DCLK3: variants seen among roughly 807,000 people sequenced by gnomAD.
DCLK3 encodes the protein serine/threonine-protein kinase DCLK3.
In DCLK3, 30 loss-of-function variants were observed where a neutral mutation model predicts 46.4. The observed-to-expected ratio is 0.65, with a 90% CI of 0.48 to 0.88. The LOEUF is 0.88. DCLK3 is among the 40% of genes least tolerant of loss of function. DCLK3 has a pLI of 0.00. For synonymous variants in DCLK3, 401 were observed against 339.2 expected (o/e 1.18, Z -2.00); for missense variants, 846 against 907.1 (o/e 0.93, Z 0.87).
intron 1 of DCLK3, among the ~76,000 whole-genome samples, chr3:36,763,133 C>T (rs1701553416): frequency 6.6e-6 from 1 of 152,184 alleles, no homozygotes; most frequent in African/African-American, 2.4e-5. Flanking sequence ...TGCAGGGCCA[C>T]CTAATTAATG....
At chr3:36,721,451 A>G (rs751929251) in intron 3 of DCLK3, 76 bp downstream of exon 3, 87 of 1,548,648 alleles carry the variant, frequency 5.6e-5, no homozygotes, top group Non-Finnish European at 7.5e-5. Context: ...TCCATATTGA[A>G]AACTAGTAAA....
At chr3:36,741,026 C>G (rs937938061) in intron 1 of DCLK3, among the ~76,000 whole-genome samples, 2 of 152,198 alleles carry the variant, frequency 1.3e-5, no homozygotes, top group Non-Finnish European at 2.9e-5. Flanking sequence ...GATCTTCCCA[C>G]ACACCACAAA....
intron 2 of DCLK3, among the ~76,000 whole-genome samples, chr3:36,728,260 G>T (rs140184858): frequency 6.6e-6 from 1 of 152,114 alleles, no homozygotes; most frequent in Non-Finnish European, 1.5e-5. Context: ...GTGATCCCCA[G>T]CTCGCCTCTG....
chr3:36,737,145 A>G lies in DCLK3; in HGVS notation c.1959+63T>C. 6.5e-7 allele frequency: 1 copy of G among 1,533,248 alleles called. No homozygotes were observed. 95.0% of individuals were successfully genotyped at this position (1,533,248 alleles called of 1,614,324 possible). ...AAGGTGACAGAGTATAAAACAATTAATATCAATTTTATCCCATATTCTAAA... is the reference window on the plus strand; with the variant it reads ...AAGGTGACAGAGTATAAAACAATTAGTATCAATTTTATCCCATATTCTAAA... On this transcript the variant is annotated intron_variant, in intron 2 of 4. Coordinates refer to ENST00000636136, the MANE Select transcript of DCLK3 (RefSeq NM_001394672.2). This position sits in a 1 kb window ranked among gnomAD's most constrained non-coding sequence, Gnocchi z 4.4.
chr3:36,751,063 T>TAAAAAAAAAAAAAAAAAA lies in DCLK3; in HGVS notation c.83-11997_83-11980dup, dbSNP rs5847933. Among the ~76,000 whole-genome samples the TAAAAAAAAAAAAAAAAAA allele has an allele frequency of 2.1e-4, 16 of 76,488 alleles. 3 individuals are homozygous for TAAAAAAAAAAAAAAAAAA. The highest frequency in any genetic ancestry group is 2.9e-4 in the Non-Finnish European group (13 of 44,172). 50.2% of individuals were successfully genotyped at this position (76,488 alleles called of 152,430 possible). On this transcript the variant is annotated intron_variant, in intron 1 of 4. Transcript: ENST00000636136. ...TGATATCCCTGTAGACGGGATGATC[T>TAAAAAAAAAAAAAAAAAA]AAAAAAAAAAAAAAAAAAAAAAACT...
chr3:36,719,395 T>A (rs969375428), intron 3 of DCLK3, among the ~76,000 whole-genome samples: 10 of 152,174 alleles, frequency 6.6e-5, no homozygotes, highest in Non-Finnish European at 1.0e-4. Flanking sequence ...TGCAGGAAAA[T>A]ATTAAAAGAA....
At chr3:36,732,381 A>G (rs1267904088) in intron 2 of DCLK3, among the ~76,000 whole-genome samples, 1 of 152,220 alleles carries the variant, frequency 6.6e-6, no homozygotes, top group East Asian at 1.9e-4. Flanking sequence ...GAAATACATA[A>G]GTTCACTGAG....
In DCLK3 at chr3:36,748,931, C is replaced by T. The variant is rs570044232; in HGVS notation, c.83-9847G>A. On this transcript the variant is annotated intron_variant, in intron 1 of 4. Transcript: ENST00000636136. ...TCCAGATGCTGCCACCCTGTCCCTG[C>T]GTTGTCTTTCTCTGAGACATCCGAT... Among the ~76,000 whole-genome samples, 9 of 152,282 alleles carry T rather than the reference C, an allele frequency of 5.9e-5. No individual in the cohort carries two copies. The East Asian group carries it at 9.7e-4, about 16-fold the overall frequency.
At chr3:36,761,441 G>A (rs1310761392) in intron 1 of DCLK3, among the ~76,000 whole-genome samples, 1 of 152,090 alleles carries the variant, frequency 6.6e-6, no homozygotes, top group African/African-American at 2.4e-5. Flanking sequence ...TCCCAGTACA[G>A]ATGTCTTCTT....
chr3:36,740,839 T>C (rs557982273), intron 1 of DCLK3, among the ~76,000 whole-genome samples: 11 of 152,356 alleles, frequency 7.2e-5, no homozygotes, highest in African/African-American at 2.4e-4. Flanking sequence ...AATAATCATT[T>C]ATACGTGTAT....
At chr3:36,720,752 C>A (rs1288803677) in intron 3 of DCLK3, among the ~76,000 whole-genome samples, 1 of 152,164 alleles carries the variant, frequency 6.6e-6, no homozygotes, top group South Asian at 2.1e-4. Flanking sequence ...GGTGATCCAC[C>A]TGCCTCAGCC....
intron 2 of DCLK3, among the ~76,000 whole-genome samples, chr3:36,723,564 T>C (rs538658787): frequency 6.6e-6 from 1 of 152,264 alleles, no homozygotes; most frequent in East Asian, 1.9e-4. Flanking sequence ...ATCCCCATGC[T>C]GTGTGCAGCC....
At chr3:36,732,989 G>A (rs7651380) in intron 2 of DCLK3, among the ~76,000 whole-genome samples, 1,782 of 152,262 alleles carry the variant, frequency 0.012, 36 homozygotes, top group African/African-American at 0.04. Flanking sequence ...AAGTGTGGCC[G>A]GCTACTCTTT....
At chr3:36,748,968 T>C (rs947899051) in intron 1 of DCLK3, among the ~76,000 whole-genome samples, 9 of 152,026 alleles carry the variant, frequency 5.9e-5, no homozygotes, top group Admixed American at 2.6e-4. Flanking sequence ...CTGGTTGGCT[T>C]TGACCAGACC....
chr3:36,739,746 T>G (rs1178753517), intron 1 of DCLK3: 1 of 152,206 alleles, frequency 6.6e-6, no homozygotes, highest in Non-Finnish European at 1.5e-5. Flanking sequence ...CCTCTCACGG[T>G]GAGGCCTGAC....
At chr3:36,752,563 AC>A (rs1701451229) in intron 1 of DCLK3, among the ~76,000 whole-genome samples, 1 of 152,326 alleles carries the variant, frequency 6.6e-6, no homozygotes, top group East Asian at 1.9e-4. Context: ...TTCATTAAAA[AC>A]AAAAGGCATA....
chr3:36,726,435 G>A (rs1302960562), intron 2 of DCLK3, among the ~76,000 whole-genome samples: 1 of 152,048 alleles, frequency 6.6e-6, no homozygotes, highest in African/African-American at 2.4e-5. Context: ...CAACTTGTCT[G>A]CAGGCATACA....
Position 36,718,161 on chromosome 3 carries a change from C to T in DCLK3, c.2109G>A (p.Val703=). The T allele has an allele frequency of 6.2e-7, 1 of 1,614,032 alleles. No individual in the cohort carries two copies. Among genetic ancestry groups the T allele is most frequent in the Non-Finnish European group, 8.5e-7 (1 of 1,180,014 alleles). Residue 703 remains valine (V), a synonymous_variant, in exon 4 of 5, where the codon GTG becomes GTA. Transcript: ENST00000636136. ...ILSEKGYGLE[V]DMWAAGVILY... ...GGATCACGCCAGCAGCCCACATGTC[C>T]ACCTCCAGTCCATAACCTGCGCAGA...
At chr3:36,731,869 GT>G (rs1461857162) in intron 2 of DCLK3, among the ~76,000 whole-genome samples, 2 of 152,116 alleles carry the variant, frequency 1.3e-5, no homozygotes, top group Non-Finnish European at 2.9e-5. Flanking sequence ...GAACCTGAGG[GT>G]TTCTGTTGCA....
Sources: gnomAD v4.1 joint callset for allele counts (sites outside exome capture counted in the v4.1 genomes callset) on GRCh38, gnomAD v4.1.1 for gene constraint, Gnocchi (gnomAD v3.1) non-coding constraint, MANE v1.5 for transcripts, NCBI Gene and HGNC (gene_info 2026-07-23, HGNC 2026-07-21) for gene names.